Variants in CHMP4B observed in about 807,000 individuals in gnomAD.
CHMP4B encodes SNF7 homolog associated with Alix 1.
Under a neutral mutation model 25.1 loss-of-function variants are expected in CHMP4B, and 1 was observed. The observed-to-expected ratio is 0.04, with a 90% CI of 0.01 to 0.19. The LOEUF (loss-of-function observed/expected upper bound fraction) is 0.19. Among genes scored for constraint, CHMP4B ranks in the 10% least tolerant of loss-of-function variants. CHMP4B has a pLI of 1.00. For missense variants in CHMP4B, 151 were observed against 289.7 expected (o/e 0.52, Z 3.48); for synonymous variants, 101 against 115.6 (o/e 0.87, Z 0.81).
At chr20:33,837,300 G>A (rs1210685294) in intron 1 of CHMP4B, among the ~76,000 whole-genome samples, 2 of 152,066 alleles carry the variant, frequency 1.3e-5, no homozygotes, top group Non-Finnish European at 2.9e-5. Flanking sequence ...GCAGTGCACT[G>A]AGATTGTGCC....
chr20:33,825,861 G>A (rs1360945962), intron 1 of CHMP4B, among the ~76,000 whole-genome samples: 1 of 152,184 alleles, frequency 6.6e-6, no homozygotes, highest in Non-Finnish European at 1.5e-5. Flanking sequence ...CACACAAAGG[G>A]TCTCTGAAAA....
intron 2 of CHMP4B, among the ~76,000 whole-genome samples, chr20:33,850,191 T>C (rs1979808829): frequency 1.3e-5 from 2 of 152,204 alleles, no homozygotes; most frequent in Non-Finnish European, 2.9e-5. Context: ...GGCCATAAAT[T>C]CTAAAGTGTT....
chr20:33,852,009 G>A (rs1979864773), intron 3 of CHMP4B, 68 bp from the exon 4 acceptor site: 2 of 1,605,166 alleles, frequency 1.2e-6, no homozygotes, highest in Non-Finnish European at 1.7e-6. Flanking sequence ...CATTAATTAG[G>A]TAGGAGGCAT....
chr20:33,828,306 CA>C (rs2122792488), intron 1 of CHMP4B, among the ~76,000 whole-genome samples: 1 of 152,330 alleles, frequency 6.6e-6, no homozygotes, highest in South Asian at 2.1e-4. Flanking sequence ...GAACTCATGA[CA>C]CCTATCTCCT....
intron 1 of CHMP4B, among the ~76,000 whole-genome samples, chr20:33,816,891 C>T (rs187982181): frequency 1.1e-3 from 162 of 152,304 alleles, no homozygotes; most frequent in Non-Finnish European, 1.9e-3. Context: ...CTGAGAATGT[C>T]TGATGGATGC....
intron 1 of CHMP4B, among the ~76,000 whole-genome samples, chr20:33,830,353 C>T (rs1979205684): frequency 6.6e-6 from 1 of 152,154 alleles, no homozygotes; most frequent in African/African-American, 2.4e-5. Flanking sequence ...ATGGCTTGGA[C>T]ATCTATAGTG....
At chr20:33,826,570 C>G (rs527300378) in intron 1 of CHMP4B, among the ~76,000 whole-genome samples, 1 of 152,304 alleles carries the variant, frequency 6.6e-6, no homozygotes, top group African/African-American at 2.4e-5. Flanking sequence ...CCAGGTGAAG[C>G]TTCCCATTGG....
chr20:33,850,875 C>A, intron 2 of CHMP4B, 77 bp from the exon 3 acceptor site: 1 of 1,028,478 alleles, frequency 9.7e-7, no homozygotes, highest in Non-Finnish European at 1.5e-6. Flanking sequence ...GGCCCAGTTT[C>A]TGCTCCCGCC....
intron 1 of CHMP4B, among the ~76,000 whole-genome samples, chr20:33,844,449 G>T (rs950117683): frequency 1.3e-5 from 2 of 152,172 alleles, no homozygotes; most frequent in African/African-American, 4.8e-5. Flanking sequence ...TTCATTCGGG[G>T]TGGGGATGGG....
intron 1 of CHMP4B, among the ~76,000 whole-genome samples, chr20:33,832,388 G>A (rs1979275745): frequency 2.0e-5 from 3 of 152,212 alleles, no homozygotes; most frequent in Non-Finnish European, 2.9e-5. Flanking sequence ...GGGACCTGGC[G>A]GGTGGGGGAG....
chr20:33,824,040 C>A (rs954987681), intron 1 of CHMP4B, among the ~76,000 whole-genome samples: 1 of 152,172 alleles, frequency 6.6e-6, no homozygotes, highest in African/African-American at 2.4e-5. Flanking sequence ...CATTGGAAAT[C>A]AATTTTTATA....
At chr20:33,811,833 C>T (rs373253051) in intron 1 of CHMP4B, among the ~76,000 whole-genome samples, 175 bp downstream of exon 1, 3 of 152,224 alleles carry the variant, frequency 2.0e-5, no homozygotes, top group Admixed American at 6.5e-5. Flanking sequence ...TCTCCCCGAT[C>T]CCTGGACTTT....
At chr20:33,835,010 G>A (rs1178607005) in intron 1 of CHMP4B, among the ~76,000 whole-genome samples, 1 of 152,104 alleles carries the variant, frequency 6.6e-6, no homozygotes, top group African/African-American at 2.4e-5. Flanking sequence ...TGGCCAGGCT[G>A]GTCTTGAACT....
intron 1 of CHMP4B, among the ~76,000 whole-genome samples, chr20:33,845,489 A>C (rs1354569436): frequency 6.6e-6 from 1 of 151,712 alleles, no homozygotes; most frequent in Non-Finnish European, 1.5e-5. Context: ...TGTCCGGCTA[A>C]TTTTTGTATT....
chr20:33,853,090 C>T (rs1423894727), intron 4 of CHMP4B, among the ~76,000 whole-genome samples: 2 of 152,160 alleles, frequency 1.3e-5, no homozygotes, highest in Non-Finnish European at 2.9e-5. Context: ...AGAGGCCGTC[C>T]AGCAAGCCTC....
chr20:33,835,222 A>G lies in CHMP4B; in HGVS notation c.191-13245A>G, dbSNP rs115623544. On this transcript the variant is annotated intron_variant, in intron 1 of 4. Coordinates refer to ENST00000217402, the MANE Select transcript of CHMP4B (RefSeq NM_176812.5). ...AAATCTTTGTCATCTTTATTTCAGT[A>G]TATGTAATGTATATTTTTTTCTTTG... 2.9e-3 allele frequency among the ~76,000 whole-genome samples: 437 copies of G among 152,222 alleles called. 3 individuals carry two copies. The highest frequency in any genetic ancestry group is 9.8e-3 in the African/African-American group (405 of 41,516).
intron 1 of CHMP4B, among the ~76,000 whole-genome samples, chr20:33,829,244 C>T (rs760207220): frequency 7.2e-5 from 11 of 152,318 alleles, no homozygotes; most frequent in Non-Finnish European, 1.3e-4. Flanking sequence ...CCCCAGTTCT[C>T]TCTGTTTATA....
At chr20:33,813,756 G>A (rs1357170531) in intron 1 of CHMP4B, among the ~76,000 whole-genome samples, 1 of 152,012 alleles carries the variant, frequency 6.6e-6, no homozygotes, top group African/African-American at 2.4e-5. Flanking sequence ...TTTTTGAAAC[G>A]GAGTCTCGCT....
Position 33,853,713 on chromosome 20 carries a change from C to T in CHMP4B, c.*153C>T. The T allele has an allele frequency of 3.7e-6, 2 of 535,286 alleles. No individual in the cohort carries two copies. Among genetic ancestry groups the T allele is most frequent in the Non-Finnish European group, 6.9e-6 (2 of 290,808 alleles). The allele number at this position is 535,286 out of a possible 1,614,324, so 33.2% of individuals were successfully genotyped here. ...CAGTAGGGCCGCGTTGCTGCTCACT[C>T]TCTGCATAGCATGGTCTGCACCTGG... On this transcript the variant is annotated 3_prime_UTR_variant, in exon 5 of 5. Transcript: ENST00000217402.
Sources: allele counts gnomAD v4.1 joint callset (sites outside exome capture counted in the v4.1 genomes callset), GRCh38; gene constraint gnomAD v4.1.1; transcripts MANE v1.5; gene names NCBI Gene and HGNC (gene_info 2026-07-23, HGNC 2026-07-21).